The following PCSK5 variants were observed in gnomAD, a reference collection of about 807,000 sequenced individuals.
PCSK5 encodes the protein prohormone convertase 5.
In PCSK5, 129 loss-of-function variants were observed where a neutral mutation model predicts 233.2. The observed-to-expected ratio is 0.55, with a 90% CI of 0.48 to 0.64. The LOEUF is 0.64. PCSK5 is among the 30% of genes least tolerant of loss of function. PCSK5 has a pLI of 0.00. For missense variants in PCSK5, 2,076 were observed against 2,430.1 expected (o/e 0.85, Z 3.06); for synonymous variants, 825 against 879.2 (o/e 0.94, Z 1.09).
chr9:75,928,318 G>A (rs891165181), intron 1 of PCSK5, among the ~76,000 whole-genome samples: 1 of 151,442 alleles, frequency 6.6e-6, no homozygotes, highest in African/African-American at 2.4e-5. Context: ...TTCAGTCCTC[G>A]CTGCTATTGA....
chr9:76,294,692 A>G (rs1300773874), intron 25 of PCSK5, among the ~76,000 whole-genome samples: 3 of 152,040 alleles, frequency 2.0e-5, no homozygotes, highest in African/African-American at 7.2e-5. Flanking sequence ...TACTTGACAC[A>G]TAATCAGTAC....
At chr9:76,355,684 T>C in intron 37 of PCSK5, among the ~76,000 whole-genome samples, 1 of 151,922 alleles carries the variant, frequency 6.6e-6, no homozygotes, top group Non-Finnish European at 1.5e-5. Context: ...TAGCATTTTC[T>C]TTCTTTCTTT....
rs774288531 is a variant in PCSK5, at chr9:76,308,742, G to A, written c.3688+14G>A. 95 of 1,565,348 alleles carry A rather than the reference G, an allele frequency of 6.1e-5. 1 individual carries two copies. Among genetic ancestry groups the A allele is most frequent in the South Asian group, 5.1e-4 (46 of 89,608 alleles). ...CATGTCCCAAAGGTTAGTGTGTTGC[G>A]TGACAGAAGATGGCAGCAGTCAAGC... On this transcript the variant is annotated intron_variant, in intron 29 of 37. Transcript: ENST00000674117.
At chr9:76,202,439 C>A (rs113904426) in intron 20 of PCSK5, among the ~76,000 whole-genome samples, 1 of 152,354 alleles carries the variant, frequency 6.6e-6, no homozygotes, top group Non-Finnish European at 1.5e-5. Context: ...CATGAGACTC[C>A]ACTCCCCTGT....
chr9:76,171,964 T>C (rs12353075), intron 13 of PCSK5, among the ~76,000 whole-genome samples: 3,093 of 152,226 alleles, frequency 0.02, 97 homozygotes, highest in African/African-American at 0.071. Flanking sequence ...TGCATGTGTC[T>C]ATATCATTGT....
At chr9:76,007,751 T>G (rs1219934692) in intron 3 of PCSK5, among the ~76,000 whole-genome samples, 1 of 150,948 alleles carries the variant, frequency 6.6e-6, no homozygotes, top group African/African-American at 2.4e-5. Context: ...CTCAGCTTCC[T>G]GAGTAGCTGG....
At chr9:76,228,030 C>T (rs1011092342) in intron 21 of PCSK5, among the ~76,000 whole-genome samples, 11 of 149,752 alleles carry the variant, frequency 7.3e-5, no homozygotes, top group Admixed American at 3.3e-4. Flanking sequence ...AGTGCAGTGG[C>T]GCGATCTCTG....
At chr9:76,327,020 C>T (rs1372239058) in intron 32 of PCSK5, among the ~76,000 whole-genome samples, 2 of 151,986 alleles carry the variant, frequency 1.3e-5, no homozygotes, top group Admixed American at 1.3e-4. Context: ...TAATCCCAGC[C>T]CTTTGGGAGG....
At chr9:76,157,209 G>A (rs1386094284) in intron 11 of PCSK5, 47 bp downstream of exon 11, 1 of 1,276,254 alleles carries the variant, frequency 7.8e-7, no homozygotes, top group African/African-American at 1.5e-5. Context: ...CCAAAATAGA[G>A]CAAGCCAGTC....
At chr9:76,240,189 C>T (rs1030458977) in intron 23 of PCSK5, among the ~76,000 whole-genome samples, 2 of 152,200 alleles carry the variant, frequency 1.3e-5, no homozygotes, top group Non-Finnish European at 2.9e-5. Flanking sequence ...AATTAAGACA[C>T]TCAATTCTGT....
intron 25 of PCSK5, 102 bp from the exon 26 acceptor site, chr9:76,295,173 G>A (rs9411162): frequency 0.23 from 246,596 of 1,092,596 alleles, 30,944 homozygotes; most frequent in African/African-American, 0.44. Context: ...AAAACAAAAC[G>A]AAACAAAAAA....
chr9:76,358,826 T>C lies in PCSK5; in HGVS notation c.5568T>C (p.Asp1856=), dbSNP rs1830370790. Residue 1856 remains aspartate, a synonymous_variant, in exon 38 of 38, where the codon GAT becomes GAC. Coordinates refer to ENST00000674117, the MANE Select transcript of PCSK5 (RefSeq NM_001372043.1). ...DDDDIVYMGQ[D]GTVYRKFKYG... ...ATGACATCGTCTACATGGGCCAGGA[T>C]GGCACAGTCTACCGGAAATTTAAAT... The C allele has an allele frequency of 5.0e-6, 8 of 1,612,892 alleles. No homozygotes were observed. The highest frequency in any genetic ancestry group is 6.8e-6 in the Non-Finnish European group (8 of 1,179,876).
chr9:76,346,373 C>G (rs1829981581), intron 35 of PCSK5, among the ~76,000 whole-genome samples: 1 of 152,086 alleles, frequency 6.6e-6, no homozygotes, highest in Non-Finnish European at 1.5e-5. Flanking sequence ...TTTGGGCATT[C>G]CGAGTCTCAA....
At chr9:76,171,802 C>T (rs1823342647) in intron 13 of PCSK5, among the ~76,000 whole-genome samples, 1 of 152,076 alleles carries the variant, frequency 6.6e-6, no homozygotes, top group South Asian at 2.1e-4. Context: ...CGAGAGATAC[C>T]CTAATGCTAT....
At chr9:76,277,976 G>A (rs1218141701) in intron 24 of PCSK5, among the ~76,000 whole-genome samples, 1 of 152,168 alleles carries the variant, frequency 6.6e-6, no homozygotes, top group Non-Finnish European at 1.5e-5. Context: ...TTTACCCTGG[G>A]AGAATATGCA....
chr9:76,319,300 A>C (rs1286348203), intron 30 of PCSK5, among the ~76,000 whole-genome samples: 1 of 151,952 alleles, frequency 6.6e-6, no homozygotes, highest in Non-Finnish European at 1.5e-5. Flanking sequence ...GTGCCGAGGC[A>C]AGAGACTGAA....
At chr9:76,046,749 A>T (rs1311961769) in intron 5 of PCSK5, among the ~76,000 whole-genome samples, 2 of 149,712 alleles carry the variant, frequency 1.3e-5, no homozygotes, top group African/African-American at 2.5e-5. Flanking sequence ...TTTAGTAGAG[A>T]CGGGGTGTCA....
At chr9:76,036,451 A>T (rs1430740229) in intron 5 of PCSK5, among the ~76,000 whole-genome samples, 1 of 152,168 alleles carries the variant, frequency 6.6e-6, no homozygotes, top group Non-Finnish European at 1.5e-5. Flanking sequence ...CTGCTTTTAG[A>T]GGAGACCTAG....
intron 9 of PCSK5, among the ~76,000 whole-genome samples, chr9:76,108,190 G>A (rs1295668454): frequency 6.6e-6 from 1 of 152,120 alleles, no homozygotes; most frequent in Non-Finnish European, 1.5e-5. Flanking sequence ...TATGTTATAG[G>A]CATCATCTCT....
Sources: allele counts gnomAD v4.1 joint callset (sites outside exome capture counted in the v4.1 genomes callset), GRCh38; gene constraint gnomAD v4.1.1; transcripts MANE v1.5; gene names NCBI Gene and HGNC (gene_info 2026-07-23, HGNC 2026-07-21).